Variants in CCDC15 observed in about 807,000 individuals in gnomAD.
CCDC15 encodes the protein coiled-coil domain-containing protein 15.
CCDC15 carries 105 observed loss-of-function variants against 114.5 expected under a neutral mutation model. The ratio of observed to expected loss-of-function variants is 0.92; its 90% CI spans 0.78 to 1.08. The LOEUF (loss-of-function observed/expected upper bound fraction) is 1.08. Ranked by LOEUF, CCDC15 falls within the 50% of genes least tolerant of loss-of-function variation. The pLI is 0.00. For missense variants in CCDC15, 1,105 were observed against 1,093.6 expected, an observed-to-expected ratio of 1.01 and a Z score of -0.15; for synonymous variants, 334 against 377.8, an observed-to-expected ratio of 0.88 and a Z score of 1.34.
At chr11:125,002,677 G>C (rs571665246) in intron 11 of CCDC15, among the ~76,000 whole-genome samples, 1 of 151,964 alleles carries the variant, frequency 6.6e-6, no homozygotes, top group Non-Finnish European at 1.5e-5. Flanking sequence ...GAATTGTCTT[G>C]GCACTCTTAT....
intron 13 of CCDC15, among the ~76,000 whole-genome samples, chr11:125,014,045 C>A (rs1332327976): frequency 6.6e-6 from 1 of 152,052 alleles, no homozygotes; most frequent in Non-Finnish European, 1.5e-5. Flanking sequence ...GGAAAAGAGA[C>A]TAAGAATCTA....
chr11:125,007,190 A>G (rs973082146), intron 13 of CCDC15, among the ~76,000 whole-genome samples: 3 of 152,194 alleles, frequency 2.0e-5, no homozygotes, highest in South Asian at 4.1e-4. Context: ...AATTTATTCT[A>G]TCTGTCTAAC....
chr11:125,034,072 T>TA (rs1948758723), intron 13 of CCDC15, among the ~76,000 whole-genome samples: 3 of 152,220 alleles, frequency 2.0e-5, no homozygotes, highest in Admixed American at 2.0e-4. Context: ...AGAATCAACT[T>TA]ATGTTGCCTG....
At position 124,987,917 on chromosome 11, in the gene CCDC15, C is replaced by G. The variant is rs1157718658; in HGVS notation, c.1691C>G (p.Pro564Arg). The G allele has an allele frequency of 1.9e-6, 3 of 1,613,874 alleles. No individual in the cohort carries two copies. Among genetic ancestry groups the G allele is most frequent in the Non-Finnish European group, 2.5e-6 (3 of 1,179,896 alleles). ...AAATGTCAGGACCAGGATTTTCTAC[C>G]CAGAGACCAAGGTGTTCTTCCCAAA... ...LPKCQDQDFL[P>R]RDQGVLPKDQ... Residue 564 changes from proline to arginine, a missense_variant, in exon 8 of 16, where the codon CCC (proline) becomes CGC (arginine). Transcript: ENST00000344762.
In CCDC15 at chr11:125,036,813, T is replaced by G. The variant is rs187668786; in HGVS notation, c.2412-1618T>G. The stretch of plus-strand genomic sequence containing the variant: ...AGTTTTTAACTCCAGAATTTCTACT[T>G]GATTCTTTTAAATTATTTCAATCTC... On this transcript the variant is annotated intron_variant, in intron 13 of 15. Transcript: ENST00000344762. 3.0e-3 allele frequency among the ~76,000 whole-genome samples: 464 copies of G among 152,258 alleles called. 1 individual carries two copies. The highest frequency in any genetic ancestry group is 0.01 in the African/African-American group (434 of 41,562).
At chr11:124,971,306 T>G (rs1366984030) in intron 4 of CCDC15, among the ~76,000 whole-genome samples, 2 of 152,168 alleles carry the variant, frequency 1.3e-5, no homozygotes, top group African/African-American at 2.4e-5. Context: ...CAAAGGTAGA[T>G]AAAACCACAA....
chr11:125,024,155 C>T (rs1375496721), intron 13 of CCDC15, among the ~76,000 whole-genome samples: 1 of 151,810 alleles, frequency 6.6e-6, no homozygotes, highest in Admixed American at 6.6e-5. Flanking sequence ...TGCATGTATT[C>T]CCAGCTTTCT....
At chr11:125,009,016 C>T (rs969805824) in intron 13 of CCDC15, among the ~76,000 whole-genome samples, 5 of 152,030 alleles carry the variant, frequency 3.3e-5, no homozygotes, top group East Asian at 1.9e-4. Flanking sequence ...GTCAGGAGTT[C>T]GAGACCAGCC....
rs1948197764 is a variant in CCDC15, at chr11:124,987,751, T to G, written c.1525T>G (p.Phe509Val). 1.1e-5 allele frequency: 18 copies of G among 1,613,908 alleles called. No individual in the cohort carries two copies. The highest frequency in any genetic ancestry group is 5.0e-5 in the Admixed American group (3 of 60,006). The part of the protein sequence containing the change: ...DQNFLPKDQN[F>V]LSRDQHVLPK... ...GAATTTTCTACCTAAGGACCAGAAT[T>G]TTTTGTCTAGAGACCAGCATGTTCT... The change falls in exon 8 of 16, where the codon TTT becomes GTT. Residue 509 changes from phenylalanine (F) to valine (V), a missense_variant. By Grantham distance (50) the Phe-to-Val change is conservative. Coordinates refer to ENST00000344762, the MANE Select transcript of CCDC15 (RefSeq NM_025004.3).
At chr11:125,016,882 A>C (rs938880148) in intron 13 of CCDC15, among the ~76,000 whole-genome samples, 1 of 152,156 alleles carries the variant, frequency 6.6e-6, no homozygotes, top group African/African-American at 2.4e-5. Flanking sequence ...GCCATTTCCT[A>C]CTGGATAATC....
intron 2 of CCDC15, 51 bp downstream of exon 2, chr11:124,954,960 A>G (rs1947523574): frequency 6.6e-7 from 1 of 1,525,770 alleles, no homozygotes; most frequent in Non-Finnish European, 9.0e-7. Flanking sequence ...CACCCTTTTT[A>G]TTAGCCTTCT....
At chr11:124,977,667 G>A in intron 6 of CCDC15, 67 bp downstream of exon 6, 1 of 1,496,902 alleles carries the variant, frequency 6.7e-7, no homozygotes, top group Non-Finnish European at 9.0e-7. Context: ...GCTAACTAAG[G>A]ATGGGATAAA....
In CCDC15 at chr11:124,971,092, A is replaced by G. The variant is rs185941265; in HGVS notation, c.517-4004A>G. ...AGGCCGCCCCTTTAATAGGGCTTGT[A>G]GGCCTGGCAGTATTCCTTAGAAGGC... On this transcript the variant is annotated intron_variant, in intron 4 of 15. Transcript: ENST00000344762. 3.7e-4 allele frequency among the ~76,000 whole-genome samples: 57 copies of G among 152,280 alleles called. No individual in the cohort carries two copies. The East Asian group carries it at 4.6e-3, about 12-fold the overall frequency.
intron 12 of CCDC15, among the ~76,000 whole-genome samples, chr11:125,004,597 C>T (rs116031562): frequency 7.2e-4 from 109 of 152,130 alleles, no homozygotes; most frequent in African/African-American, 2.6e-3. Flanking sequence ...GAGGAATGAA[C>T]AGATCACACA....
At chr11:125,021,601 G>T (rs911848234) in intron 13 of CCDC15, among the ~76,000 whole-genome samples, 1 of 151,790 alleles carries the variant, frequency 6.6e-6, no homozygotes, top group Admixed American at 6.6e-5. Context: ...GGATCTTAAG[G>T]CCATATTGGA....
intron 2 of CCDC15, 62 bp downstream of exon 2, chr11:124,954,971 C>T (rs1947523893): frequency 6.8e-7 from 1 of 1,465,826 alleles, no homozygotes; most frequent in Non-Finnish European, 9.4e-7. Context: ...TTAGCCTTCT[C>T]TAATCCTGGG....
At chr11:124,978,387 A>G (rs976751559) in intron 6 of CCDC15, among the ~76,000 whole-genome samples, 1 of 152,152 alleles carries the variant, frequency 6.6e-6, no homozygotes, top group Non-Finnish European at 1.5e-5. Flanking sequence ...AGATAATGGG[A>G]TTGCTGGGTT....
intron 14 of CCDC15, 34 bp downstream of exon 14, chr11:125,038,638 C>A: frequency 6.8e-7 from 1 of 1,468,560 alleles, no homozygotes; most frequent in South Asian, 1.4e-5. Flanking sequence ...TATTTTGGCT[C>A]TAGAAGAGAC....
rs1565366422 is a variant in CCDC15, at chr11:124,986,705, G to GCGCA, written c.754-34_754-33insACGC. ...TGTGTGTGTGTTTGTGTGTGTGCGC[G>GCGCA]CGCGCGCGTGCGCGTTTTCATTGTT... On this transcript the variant is annotated intron_variant, in intron 6 of 15. Transcript: ENST00000344762. 10 of 1,437,158 alleles carry GCGCA rather than the reference G, an allele frequency of 7.0e-6. No individual in the cohort carries two copies. In the African/African-American group the frequency reaches 1.0e-4, roughly 15 times the overall value. 89.0% of individuals were successfully genotyped at this position (1,437,158 alleles called of 1,614,324 possible).
Sources: gnomAD v4.1 joint callset for allele counts (sites outside exome capture counted in the v4.1 genomes callset) on GRCh38, gnomAD v4.1.1 for gene constraint, MANE v1.5 for transcripts, NCBI Gene and HGNC (gene_info 2026-07-23, HGNC 2026-07-21) for gene names.